Variants in ROBO2 observed in about 807,000 individuals in gnomAD.
ROBO2 encodes the protein roundabout homolog 2.
Under a neutral mutation model 160.8 loss-of-function variants are expected in ROBO2, and 53 were observed. The ratio of observed to expected loss-of-function variants is 0.33; its 90% CI spans 0.26 to 0.41. ROBO2 has a LOEUF of 0.41. Among genes scored for constraint, ROBO2 ranks in the 10% least tolerant of loss-of-function variants. The pLI, the probability that ROBO2 is intolerant of heterozygous loss-of-function variation, is 1.00. For synonymous variants in ROBO2, 664 were observed against 611.7 expected (o/e 1.09, Z -1.26); for missense variants, 1,577 against 1,722.4 (o/e 0.92, Z 1.49).
intron 2 of ROBO2, among the ~76,000 whole-genome samples, chr3:77,432,177 G>A (rs906977667): frequency 1.3e-5 from 2 of 152,072 alleles, no homozygotes; most frequent in Admixed American, 1.3e-4. Flanking sequence ...GACAAAGAGA[G>A]GATTATAAAA....
chr3:76,455,764 C>G (rs2077717844), intron 2 of ROBO2, among the ~76,000 whole-genome samples: 1 of 152,122 alleles, frequency 6.6e-6, no homozygotes, highest in Non-Finnish European at 1.5e-5. Flanking sequence ...AGCATATAGA[C>G]AGGAATGATC....
intron 1 of ROBO2, among the ~76,000 whole-genome samples, chr3:77,088,547 T>TC (rs2069672705): frequency 6.6e-6 from 1 of 152,136 alleles, no homozygotes; most frequent in African/African-American, 2.4e-5. Context: ...ATGCTATCAC[T>TC]CCCCACGCTG....
At chr3:77,073,021 G>GGCCTTT (rs1046853822) in intron 1 of ROBO2, among the ~76,000 whole-genome samples, 1 of 152,112 alleles carries the variant, frequency 6.6e-6, no homozygotes, top group Non-Finnish European at 1.5e-5. Flanking sequence ...AAATCTGCTA[G>GGCCTTT]GCCTTTATGA....
intron 2 of ROBO2, among the ~76,000 whole-genome samples, chr3:76,324,851 G>C (rs2072876271): frequency 6.6e-6 from 1 of 152,184 alleles, no homozygotes; most frequent in Non-Finnish European, 1.5e-5. Context: ...ATTAAAAACA[G>C]ATCAGTCTCC....
intron 2 of ROBO2, among the ~76,000 whole-genome samples, chr3:76,888,120 C>T (rs889053290): frequency 6.6e-6 from 1 of 152,144 alleles, no homozygotes; most frequent in African/African-American, 2.4e-5. Context: ...GTAATCCCAG[C>T]ACTTCGGGAG....
chr3:77,089,891 T>A (rs1273072478), intron 1 of ROBO2, among the ~76,000 whole-genome samples: 2 of 152,198 alleles, frequency 1.3e-5, no homozygotes, highest in Admixed American at 6.5e-5. Flanking sequence ...ACAGACTTGA[T>A]GGATTGATGG....
chr3:76,065,032 A>G (rs1401851371), intron 2 of ROBO2, among the ~76,000 whole-genome samples: 1 of 152,112 alleles, frequency 6.6e-6, no homozygotes, highest in Non-Finnish European at 1.5e-5. Flanking sequence ...TTGAGTCCAT[A>G]TATAAGGAAA....
At chr3:77,334,452 TTTTG>T (rs1243457274) in intron 2 of ROBO2, among the ~76,000 whole-genome samples, 1 of 152,176 alleles carries the variant, frequency 6.6e-6, no homozygotes, top group African/African-American at 2.4e-5. Flanking sequence ...TGAAGAGAAA[TTTTG>T]TTTGTTTGCT....
At chr3:76,279,584 A>C (rs189547278) in intron 2 of ROBO2, among the ~76,000 whole-genome samples, 1 of 152,124 alleles carries the variant, frequency 6.6e-6, no homozygotes, top group East Asian at 1.9e-4. Context: ...TACTGTTCAC[A>C]CTTTAATGTG....
intron 2 of ROBO2, among the ~76,000 whole-genome samples, chr3:76,159,520 GTTT>G (rs2072538072): frequency 6.6e-6 from 1 of 152,122 alleles, no homozygotes; most frequent in African/African-American, 2.4e-5. Flanking sequence ...AAGGTTAAGA[GTTT>G]TATTAAAAGA....
intron 2 of ROBO2, among the ~76,000 whole-genome samples, chr3:75,999,520 A>G (rs544751735): frequency 6.2e-4 from 94 of 152,180 alleles, no homozygotes; most frequent in Non-Finnish European, 1.2e-3. Flanking sequence ...CCTTAGCCAT[A>G]GGAGTTTAAT....
chr3:76,740,128 A>G (rs1185344341), intron 2 of ROBO2, among the ~76,000 whole-genome samples: 3 of 152,166 alleles, frequency 2.0e-5, no homozygotes, highest in African/African-American at 4.8e-5. Context: ...CTTGAAGTCA[A>G]TTTGCTTAGA....
At position 77,167,048 on chromosome 3, in the gene ROBO2, A is replaced by C. The variant is rs1287334764; in HGVS notation, c.388+68708A>C. Reference sequence around the variant, plus strand: ...TACCAAATGGTGATAAGTTCATTATACTATCAGTTTAAAATCTTGTCTACC... The same window carrying C: ...TACCAAATGGTGATAAGTTCATTATCCTATCAGTTTAAAATCTTGTCTACC... On this transcript the variant is annotated intron_variant, in intron 2 of 25. Coordinates refer to ENST00000461745, the Ensembl canonical transcript of ROBO2. Among the ~76,000 whole-genome samples the C allele has an allele frequency of 2.0e-5, 3 of 152,196 alleles. No individual in the cohort carries two copies. The East Asian group carries it at 5.8e-4, about 29-fold the overall frequency.
intron 2 of ROBO2, among the ~76,000 whole-genome samples, chr3:76,409,496 A>G (rs1421821527): frequency 6.6e-6 from 1 of 152,040 alleles, no homozygotes; most frequent in Non-Finnish European, 1.5e-5. Flanking sequence ...GTTCCATGGT[A>G]CTTTGAATAG....
chr3:76,734,672 G>A (rs1307843419), intron 2 of ROBO2, among the ~76,000 whole-genome samples: 2 of 152,142 alleles, frequency 1.3e-5, no homozygotes, highest in Non-Finnish European at 2.9e-5. Context: ...ATGCAAAGTT[G>A]TGCTTTGTCC....
At chr3:77,602,448 G>A in exon 20 of ROBO2, 1 of 1,614,120 alleles carries the variant, frequency 6.2e-7, no homozygotes, top group Non-Finnish European at 8.5e-7. Flanking sequence ...CAGATCTGAT[G>A]GGATTTGGTT....
At chr3:77,622,807 T>A (rs879709974) in intron 23 of ROBO2, among the ~76,000 whole-genome samples, 9 of 152,200 alleles carry the variant, frequency 5.9e-5, no homozygotes, top group Non-Finnish European at 1.0e-4. Context: ...CTTAAAATGC[T>A]TCTTGATATT....
chr3:76,452,547 G>A (rs2077529912), intron 2 of ROBO2, among the ~76,000 whole-genome samples: 1 of 152,072 alleles, frequency 6.6e-6, no homozygotes, highest in Non-Finnish European at 1.5e-5. Flanking sequence ...GTGTATATGT[G>A]CCACATTTTC....
chr3:76,102,246 A>G (rs926156959), intron 2 of ROBO2, among the ~76,000 whole-genome samples: 11 of 152,232 alleles, frequency 7.2e-5, no homozygotes, highest in Admixed American at 3.9e-4. Context: ...CAAGGAATGT[A>G]AAACATCTCA....
Sources: allele counts gnomAD v4.1 joint callset (sites outside exome capture counted in the v4.1 genomes callset), GRCh38; gene constraint gnomAD v4.1.1; transcripts MANE v1.5; gene names NCBI Gene and HGNC (gene_info 2026-07-23, HGNC 2026-07-21).